The following ZFAT variants were observed in gnomAD, a reference collection of about 807,000 sequenced individuals.
The protein encoded by ZFAT is zinc finger and AT-hook domain containing.
In ZFAT, 64 loss-of-function variants were observed where a neutral mutation model predicts 117.7. The ratio of observed to expected loss-of-function variants is 0.54; its 90% CI spans 0.44 to 0.67. The LOEUF (loss-of-function observed/expected upper bound fraction) is 0.67. ZFAT is among the 30% of genes least tolerant of loss of function. The probability of loss-of-function intolerance (pLI) is 0.00; values close to 1 mark genes in which losing one functional copy is unlikely to be tolerated. For missense variants in ZFAT, 1,433 were observed against 1,584.5 expected (o/e 0.90, Z 1.62); for synonymous variants, 679 against 615.0 (o/e 1.10, Z -1.54).
intron 11 of ZFAT, among the ~76,000 whole-genome samples, chr8:134,560,844 CAA>C (rs1823996274): frequency 1.3e-5 from 2 of 152,004 alleles, no homozygotes; most frequent in Non-Finnish European, 2.9e-5. Flanking sequence ...TGGAAGAAAG[CAA>C]AGAGTCGAAT....
At chr8:134,556,512 C>CCT (rs1823635929) in intron 11 of ZFAT, among the ~76,000 whole-genome samples, 3 of 151,914 alleles carry the variant, frequency 2.0e-5, no homozygotes, top group Non-Finnish European at 2.9e-5. Flanking sequence ...GGAAACCACA[C>CCT]CTAGACTTGC....
At chr8:134,698,411 A>G (rs986825634) in intron 1 of ZFAT, among the ~76,000 whole-genome samples, 2 of 152,116 alleles carry the variant, frequency 1.3e-5, no homozygotes, top group African/African-American at 4.8e-5. Context: ...TGCCCAGAAG[A>G]GGCAGCGGGG....
the ZFAT span, chr8:134,797,638 C>T: frequency 6.6e-6 from 1 of 151,930 alleles, no homozygotes; most frequent in East Asian, 1.9e-4. Context: ...GGTTCTACTG[C>T]TAAGATTTTG....
chr8:134,684,724 T>C (rs1187840833), intron 1 of ZFAT, among the ~76,000 whole-genome samples: 3 of 152,198 alleles, frequency 2.0e-5, no homozygotes, highest in African/African-American at 7.2e-5. Context: ...AAGATAGATT[T>C]AGATTACGTG....
chr8:134,639,335 T>C (rs907981403), intron 2 of ZFAT, among the ~76,000 whole-genome samples: 5 of 152,180 alleles, frequency 3.3e-5, no homozygotes, highest in African/African-American at 1.2e-4. Flanking sequence ...GGAACAGAGC[T>C]TCAACCAAAC....
intron 15 of ZFAT, among the ~76,000 whole-genome samples, chr8:134,498,331 T>A: frequency 6.8e-6 from 1 of 147,456 alleles, no homozygotes; most frequent in African/African-American, 2.5e-5. Flanking sequence ...GGGGTGGAGC[T>A]GGGATGCCCC....
chr8:134,534,636 A>G (rs1349098689), intron 11 of ZFAT, among the ~76,000 whole-genome samples: 1 of 143,360 alleles, frequency 7.0e-6, no homozygotes, highest in Non-Finnish European at 1.5e-5. Context: ...GGACAGGGGG[A>G]GAGAGGGAGA....
At chr8:134,561,623 T>C (rs1404695335) in intron 11 of ZFAT, among the ~76,000 whole-genome samples, 1 of 151,968 alleles carries the variant, frequency 6.6e-6, no homozygotes, top group African/African-American at 2.4e-5. Context: ...TTGCCCTTAT[T>C]ATAATATTCC....
chr8:134,504,681 C>T (rs1160423744), intron 15 of ZFAT, among the ~76,000 whole-genome samples: 2 of 152,180 alleles, frequency 1.3e-5, no homozygotes, highest in African/African-American at 4.8e-5. Flanking sequence ...GGACATTATG[C>T]CCTAGGACAT....
chr8:134,799,617 T>C, the ZFAT span, among the ~76,000 whole-genome samples: 1 of 152,158 alleles, frequency 6.6e-6, no homozygotes, highest in Non-Finnish European at 1.5e-5. Context: ...TTCAATTTAG[T>C]CGACTGAGGA....
At chr8:134,810,917 C>A in the ZFAT span, among the ~76,000 whole-genome samples, 1 of 151,826 alleles carries the variant, frequency 6.6e-6, no homozygotes. Flanking sequence ...TTATATTTGA[C>A]ATGGTATTAA....
chr8:134,637,881 TATC>T (rs1308792340), intron 2 of ZFAT, among the ~76,000 whole-genome samples, 169 bp from the exon 3 acceptor site: 3 of 152,356 alleles, frequency 2.0e-5, no homozygotes, highest in Non-Finnish European at 4.4e-5. Context: ...TTGGTGCTAA[TATC>T]ATTGCATCTG....
At chr8:134,814,720 C>T in the ZFAT span, among the ~76,000 whole-genome samples, 1 of 152,222 alleles carries the variant, frequency 6.6e-6, no homozygotes, top group African/African-American at 2.4e-5. Flanking sequence ...CATATGATGC[C>T]TGCAACTTGT....
chr8:134,696,004 C>G (rs11784945), intron 1 of ZFAT, among the ~76,000 whole-genome samples: 13,649 of 151,396 alleles, frequency 0.09, 813 homozygotes, highest in Non-Finnish European at 0.12. Flanking sequence ...GAATAAGGTG[C>G]CACCCTCTAG....
rs1261357848 is a variant in ZFAT at position 134,523,867 on chromosome 8, A to G, written c.3116-2866T>C. ...GACTCCTAGAGAAAGCAGCCCCACC[A>G]AACACATAGAGCCATCAAAACTCTC... On this transcript the variant is annotated intron_variant, in intron 12 of 15. Transcript: ENST00000377838. Among the ~76,000 whole-genome samples, 7 of 152,276 alleles carry G rather than the reference A, an allele frequency of 4.6e-5. No homozygotes were observed. In the East Asian group the frequency reaches 1.2e-3, roughly 25 times the overall value.
At chr8:134,819,908 TTTTG>T in the ZFAT span, among the ~76,000 whole-genome samples, 1 of 151,840 alleles carries the variant, frequency 6.6e-6, no homozygotes, top group Admixed American at 6.6e-5. Flanking sequence ...CCAGCCAAGG[TTTTG>T]TTTCTTTAAA....
chr8:134,813,946 G>A, the ZFAT span, among the ~76,000 whole-genome samples: 3 of 151,970 alleles, frequency 2.0e-5, no homozygotes, highest in Non-Finnish European at 2.9e-5. Context: ...TTACAATTAT[G>A]AACATTCTTT....
chr8:134,674,774 G>T, intron 1 of ZFAT: 1 of 299,062 alleles, frequency 3.3e-6, no homozygotes. Context: ...GTGCCCCTCT[G>T]GGACGAAGCT....
In ZFAT at chr8:134,657,816, C is replaced by T. The variant is rs571458519; in HGVS notation, c.20-79G>A. ...TACTTCCAATTGCCAAAGACAATAC[C>T]GAAAGCTGCCCTTCTGAGCCATCAC... On this transcript the variant is annotated intron_variant, in intron 1 of 15. Coordinates refer to ENST00000377838, the MANE Select transcript of ZFAT (RefSeq NM_020863.4). 312 of 1,465,416 alleles carry T rather than the reference C, an allele frequency of 2.1e-4. 2 individuals are homozygous for T. In the South Asian group the frequency reaches 3.2e-3, roughly 15 times the overall value. The allele number at this position is 1,465,416 out of a possible 1,614,324, so 90.8% of individuals were successfully genotyped here.
Sources: gnomAD v4.1 joint callset for allele counts (sites outside exome capture counted in the v4.1 genomes callset) on GRCh38, gnomAD v4.1.1 for gene constraint, MANE v1.5 for transcripts, NCBI Gene and HGNC (gene_info 2026-07-23, HGNC 2026-07-21) for gene names.